MELTF: variants seen among roughly 807,000 people sequenced by gnomAD.
The protein encoded by MELTF is antigen p97 (melanoma associated) identified by monoclonal antibodies 133.2 and 96.5.
A neutral mutation model predicts 83.7 loss-of-function variants in MELTF; 67 were observed. That is an observed-to-expected ratio of 0.80 (90% confidence interval 0.66 to 0.98). MELTF has a LOEUF of 0.98. Ranked by LOEUF, MELTF falls within the 50% of genes least tolerant of loss-of-function variation. The pLI, the probability that MELTF is intolerant of heterozygous loss-of-function variation, is 0.00. For missense variants in MELTF, 1,002 were observed against 1,035.6 expected (o/e 0.97, Z 0.44); for synonymous variants, 462 against 447.6 (o/e 1.03, Z -0.41).
chr3:197,014,709 A>C (rs1397096049), intron 9 of MELTF, among the ~76,000 whole-genome samples: 1 of 152,170 alleles, frequency 6.6e-6, no homozygotes, highest in Non-Finnish European at 1.5e-5. Flanking sequence ...AGGAGGAATA[A>C]GCTCCAGTGT....
At position 197,028,671 on chromosome 3, in the gene MELTF, G is replaced by A. The variant is rs373784906; in HGVS notation, c.50-761C>T. On this transcript the variant is annotated intron_variant, in intron 1 of 15. Transcript: ENST00000296350. ...AGGATCTGACCGGGTCAGAGTCCCCGAGAGCTCCCAGGCTAGGGGCCCAGA... is the reference window on the plus strand; with the variant it reads ...AGGATCTGACCGGGTCAGAGTCCCCAAGAGCTCCCAGGCTAGGGGCCCAGA... The A allele has an allele frequency of 5.2e-5, 8 of 152,648 alleles. No homozygotes were observed. In the East Asian group the frequency reaches 1.2e-3, roughly 22 times the overall value. 9.5% of individuals were successfully genotyped at this position (152,648 alleles called of 1,614,324 possible).
rs1470595137 is a variant in MELTF, at chr3:197,023,091, G to A, written c.510C>T (p.Gly170=). The A allele has an allele frequency of 3.7e-6, 6 of 1,613,614 alleles. No individual in the cohort carries two copies. The highest frequency in any genetic ancestry group is 5.1e-6 in the Non-Finnish European group (6 of 1,180,020). Residue 170 remains glycine (G), a synonymous_variant, in exon 5 of 16, where the codon GGC becomes GGT. Coordinates refer to ENST00000296350, the MANE Select transcript of MELTF (RefSeq NM_005929.6). ...TCTCTCCTGCCCCCGGGACGCAGCT[G>A]CCCCCAAAATAGTCGCTGACAGCTG... ...VLKAVSDYFG[G]SCVPGAGETS...
chr3:197,014,957 G>A (rs545906185), intron 9 of MELTF, among the ~76,000 whole-genome samples: 17 of 152,240 alleles, frequency 1.1e-4, no homozygotes, highest in South Asian at 2.1e-4. Context: ...AAAAAAAGTC[G>A]AACAATGATC....
chr3:197,024,519 G>T lies in MELTF; in HGVS notation c.305-34C>A. The stretch of plus-strand genomic sequence containing the variant: ...GGAGGGGAGTGGGTGAGGGCAGCAG[G>T]GAGAGGCCTCGAGAGAGGCTGCACC... On this transcript the variant is annotated intron_variant, in intron 3 of 15. Transcript: ENST00000296350. The surrounding 1 kb of genome is among the most constrained non-coding windows in gnomAD (Gnocchi z 5.3). The T allele has an allele frequency of 6.5e-7, 1 of 1,538,394 alleles. No homozygotes were observed. The highest frequency in any genetic ancestry group is 8.8e-7 in the Non-Finnish European group (1 of 1,134,932).
rs1221985433 is a variant in MELTF, at chr3:197,006,863, A to G, written c.1751-127T>C. On this transcript the variant is annotated intron_variant, in intron 13 of 15. Coordinates refer to ENST00000296350, the MANE Select transcript of MELTF (RefSeq NM_005929.6). The surrounding 1 kb of genome is among the most constrained non-coding windows in gnomAD (Gnocchi z 5.4). ...GTGGCAACATCTGGCCAGCTCCCCA[A>G]CCCTCTCCATTCTCCACGTGCTCTG... The G allele has an allele frequency of 1.2e-6, 1 of 819,794 alleles. No individual in the cohort carries two copies. The highest frequency in any genetic ancestry group is 3.2e-5 in the East Asian group (1 of 30,954). 50.8% of individuals were successfully genotyped at this position (819,794 alleles called of 1,614,324 possible).
Position 197,009,667 on chromosome 3 carries a change from G to A in MELTF, c.1476C>T (p.Ala492=). 2 of 1,613,810 alleles carry A rather than the reference G, an allele frequency of 1.2e-6. No homozygotes were observed. Among genetic ancestry groups the A allele is most frequent in the Non-Finnish European group, 1.7e-6 (2 of 1,179,976 alleles). The part of the protein sequence containing the change: ...SPAGWDVPVG[A]LIQRGFIRPK... ...GCCGGATGAAGCCTCTCTGAATAAG[G>A]GCACCCACGGGGACATCCCAGCCTG... Residue 492 remains alanine (A), a synonymous_variant, in exon 11 of 16, where the codon GCC becomes GCT. Coordinates refer to ENST00000296350, the MANE Select transcript of MELTF (RefSeq NM_005929.6).
chr3:197,023,572 G>A (rs981144282), intron 4 of MELTF, among the ~76,000 whole-genome samples: 3 of 152,192 alleles, frequency 2.0e-5, no homozygotes, highest in Admixed American at 1.3e-4. Context: ...AGGGTCTGCC[G>A]CCCTGCATGG....
In MELTF at chr3:197,014,578, CAG is replaced by C. The variant is rs1283750114; in HGVS notation, c.1233+785_1233+786del. 2.6e-5 allele frequency among the ~76,000 whole-genome samples: 4 copies of C among 151,940 alleles called. No homozygotes were observed. The East Asian group carries it at 5.8e-4, about 22-fold the overall frequency. On this transcript the variant is annotated intron_variant, in intron 9 of 15. Coordinates refer to ENST00000296350, the MANE Select transcript of MELTF (RefSeq NM_005929.6). The stretch of plus-strand genomic sequence containing the variant: ...AATTTTTTTGTACTTTTAGTAGAAA[CAG>C]AGTTTCACCATGTTGGCCAGGCTGG...
chr3:197,003,130 G>A lies in MELTF; in HGVS notation c.*242C>T, dbSNP rs1465497662. On this transcript the variant is annotated 3_prime_UTR_variant, in exon 16 of 16. Transcript: ENST00000296350. This position sits in a 1 kb window ranked among gnomAD's most constrained non-coding sequence, Gnocchi z 6.2. ...TCCTGGGCAACCGGCCTCCTCCGGC[G>A]CGGCCCGCGCGGCTCCAGGTGGCGG... The A allele has an allele frequency of 9.8e-6, 2 of 203,642 alleles. No homozygotes were observed. The highest frequency in any genetic ancestry group is 1.7e-5 in the Non-Finnish European group (2 of 115,592). 12.6% of individuals were successfully genotyped at this position (203,642 alleles called of 1,614,324 possible).
chr3:197,025,057 T>C (rs1231164687), intron 3 of MELTF, among the ~76,000 whole-genome samples: 4 of 152,232 alleles, frequency 2.6e-5, no homozygotes, highest in Admixed American at 6.5e-5. Flanking sequence ...CCCTGAATGC[T>C]GCAGGGTGTG....
intron 9 of MELTF, among the ~76,000 whole-genome samples, chr3:197,012,059 CCT>C (rs1014657357): frequency 6.6e-6 from 1 of 152,216 alleles, no homozygotes; most frequent in Non-Finnish European, 1.5e-5. Context: ...GGTGGAGGTT[CCT>C]CTGTCACCGT....
chr3:197,012,654 G>A (rs964499635), intron 9 of MELTF, among the ~76,000 whole-genome samples: 2 of 152,266 alleles, frequency 1.3e-5, no homozygotes, highest in Non-Finnish European at 2.9e-5. Context: ...GCTCTGGGCC[G>A]AGGCTGGACA....
At position 197,015,354 on chromosome 3, in the gene MELTF, G is replaced by A. The variant is rs758740473; in HGVS notation, c.1233+11C>T. 1.7e-5 allele frequency: 26 copies of A among 1,548,276 alleles called. No homozygotes were observed. The Admixed American group carries it at 4.1e-4, about 24-fold the overall frequency. On this transcript the variant is annotated intron_variant, in intron 9 of 15. Transcript: ENST00000296350. ...CCCACCTGGCCCACGCTGCACCTGCGTGACTCCCACCTGGATCCGCTCCAT... is the reference window on the plus strand; with the variant it reads ...CCCACCTGGCCCACGCTGCACCTGCATGACTCCCACCTGGATCCGCTCCAT...
chr3:197,013,015 T>C (rs1431659032), intron 9 of MELTF, among the ~76,000 whole-genome samples: 1 of 152,186 alleles, frequency 6.6e-6, no homozygotes, highest in African/African-American at 2.4e-5. Flanking sequence ...TGCTCGGTGC[T>C]GTCAGCAATG....
In MELTF at chr3:197,017,123, G is replaced by T. The variant is rs2276790; in HGVS notation, c.880C>A (p.Arg294=). Residue 294 remains arginine (R), a synonymous_variant, in exon 7 of 16, where the codon CGG becomes AGG. Coordinates refer to ENST00000296350, the MANE Select transcript of MELTF (RefSeq NM_005929.6). ...CCCACCTGGCCTTCGTTGAGCAGCC[G>T]GAAGATGAGGCCCCCATCTGTGTCG... ...RADTDGGLIF[R]LLNEGQRLFS... 1 of 1,612,282 alleles carries T rather than the reference G, an allele frequency of 6.2e-7. No homozygotes were observed. Among genetic ancestry groups the T allele is most frequent in the Non-Finnish European group, 8.5e-7 (1 of 1,179,700 alleles).
Position 197,027,840 on chromosome 3 carries a change from G to C in MELTF, c.120C>G (p.Ser40Arg), listed in dbSNP as rs779074683. 1.2e-6 allele frequency: 2 copies of C among 1,611,302 alleles called. No individual in the cohort carries two copies. The highest frequency in any genetic ancestry group is 2.2e-5 in the East Asian group (1 of 44,834). ...DPEQHKCGNM[S>R]EAFREAGIQP... Reference sequence around the variant, plus strand: ...GGATGCCCGCTTCCCGGAAGGCCTCGCTCATGTTGCCGCACTTGTGCTGCT... The same window carrying C: ...GGATGCCCGCTTCCCGGAAGGCCTCCCTCATGTTGCCGCACTTGTGCTGCT... Residue 40 changes from serine to arginine, a missense_variant, in exon 2 of 16, where the codon AGC becomes AGG. Ser to Arg is a moderately radical substitution (Grantham distance 110). Coordinates refer to ENST00000296350, the MANE Select transcript of MELTF (RefSeq NM_005929.6).
In MELTF at chr3:197,006,741, G is replaced by A. The variant is rs768339465; in HGVS notation, c.1751-5C>T. On this transcript the variant is annotated splice_polypyrimidine_tract_variant and splice_region_variant and intron_variant, in intron 13 of 15. Coordinates refer to ENST00000296350, the MANE Select transcript of MELTF (RefSeq NM_005929.6). The surrounding 1 kb of genome is among the most constrained non-coding windows in gnomAD (Gnocchi z 5.4). ...CCCAGGGCTCGGAATTGTGGCCTGAGGGGGGTAAAGCAGTGTGTGTGGGGA... is the reference window on the plus strand; with the variant it reads ...CCCAGGGCTCGGAATTGTGGCCTGAAGGGGGTAAAGCAGTGTGTGTGGGGA... 4.6e-6 allele frequency: 7 copies of A among 1,526,704 alleles called. No homozygotes were observed. In the East Asian group the frequency reaches 7.2e-5, roughly 16 times the overall value. The allele number at this position is 1,526,704 out of a possible 1,614,324, so 94.6% of individuals were successfully genotyped here. A position where few individuals can be genotyped will look rare whatever the true frequency, so the allele number is the denominator to read the frequency against.
In MELTF at chr3:197,009,608, G is replaced by A. The variant is rs9864988; in HGVS notation, c.1525+10C>T. 1.9e-6 allele frequency: 3 copies of A among 1,596,138 alleles called. No homozygotes were observed. The highest frequency in any genetic ancestry group is 2.2e-5 in the South Asian group (2 of 90,748). On this transcript the variant is annotated intron_variant, in intron 11 of 15. Coordinates refer to ENST00000296350, the MANE Select transcript of MELTF (RefSeq NM_005929.6). ...TTCCCCAGTCTGCGTTCCTAAAAAG[G>A]GGGGGGTACCTGTGAGGACGTCACA...
chr3:197,019,478 C>T, intron 6 of MELTF: 3 of 1,472,182 alleles, frequency 2.0e-6, no homozygotes, highest in South Asian at 3.0e-5. Flanking sequence ...AGGTGCACGC[C>T]TGTCATCCCA....
Sources: gnomAD v4.1 joint callset for allele counts (sites outside exome capture counted in the v4.1 genomes callset) on GRCh38, gnomAD v4.1.1 for gene constraint, Gnocchi (gnomAD v3.1) non-coding constraint, MANE v1.5 for transcripts, NCBI Gene and HGNC (gene_info 2026-07-23, HGNC 2026-07-21) for gene names.